The following ULK4 variants were observed in gnomAD, a reference collection of about 807,000 sequenced individuals.
ULK4 encodes unc-51 like kinase 4, also known as inactive serine/threonine-protein kinase ULK4.
ULK4 carries 133 observed loss-of-function variants against 160.6 expected under a neutral mutation model. The ratio of observed to expected loss-of-function variants is 0.83; its 90% CI spans 0.72 to 0.96. The LOEUF is 0.96. Ranked by LOEUF, ULK4 falls within the 40% of genes least tolerant of loss-of-function variation. ULK4 has a pLI of 0.00. For missense variants in ULK4, 1,580 were observed against 1,499.5 expected, an observed-to-expected ratio of 1.05 and a Z score of -0.89; for synonymous variants, 534 against 539.8, an observed-to-expected ratio of 0.99 and a Z score of 0.15.
chr3:41,905,612 C>G (rs768334533), intron 12 of ULK4, among the ~76,000 whole-genome samples: 15 of 151,922 alleles, frequency 9.9e-5, no homozygotes, highest in Non-Finnish European at 2.1e-4. Context: ...GTAAAAAATT[C>G]TTACAACTAA....
chr3:41,588,605 T>A (rs2031010695), intron 31 of ULK4, among the ~76,000 whole-genome samples: 1 of 152,292 alleles, frequency 6.6e-6, no homozygotes, highest in Non-Finnish European at 1.5e-5. Context: ...ATCTACCAAA[T>A]AGCAGGACAA....
intron 21 of ULK4, among the ~76,000 whole-genome samples, chr3:41,770,276 C>G (rs959493846): frequency 1.3e-5 from 2 of 152,120 alleles, no homozygotes; most frequent in African/African-American, 4.8e-5. Flanking sequence ...CAGAGATCTG[C>G]AGCTTCAGGC....
intron 32 of ULK4, among the ~76,000 whole-genome samples, chr3:41,562,966 T>G (rs1189167560): frequency 1.3e-5 from 2 of 152,244 alleles, no homozygotes; most frequent in Non-Finnish European, 2.9e-5. Flanking sequence ...CGATGGTGTT[T>G]GCAATTTGGC....
At chr3:41,518,325 G>C (rs1388232940) in intron 32 of ULK4, among the ~76,000 whole-genome samples, 2 of 152,138 alleles carry the variant, frequency 1.3e-5, no homozygotes, top group Non-Finnish European at 2.9e-5. Context: ...AAATGTTAAT[G>C]CTGGATCACT....
At chr3:41,783,739 G>C (rs1354672748) in intron 21 of ULK4, among the ~76,000 whole-genome samples, 1 of 152,116 alleles carries the variant, frequency 6.6e-6, no homozygotes, top group Non-Finnish European at 1.5e-5. Flanking sequence ...AACAATTAAA[G>C]TAAATTAGCA....
At chr3:41,540,398 T>C (rs997522238) in intron 32 of ULK4, among the ~76,000 whole-genome samples, 3 of 152,224 alleles carry the variant, frequency 2.0e-5, no homozygotes, top group African/African-American at 7.2e-5. Context: ...TAGTATTCTA[T>C]AGTGTATATG....
intron 32 of ULK4, among the ~76,000 whole-genome samples, chr3:41,484,484 G>A (rs570277218): frequency 7.0e-4 from 71 of 100,906 alleles, no homozygotes; most frequent in Non-Finnish European, 1.3e-3. Context: ...ATGGAGTCTC[G>A]CTCTGTCACC....
chr3:41,827,911 G>C (rs2041423608), intron 18 of ULK4, among the ~76,000 whole-genome samples: 1 of 151,980 alleles, frequency 6.6e-6, no homozygotes, highest in African/African-American at 2.4e-5. Context: ...TAAAATACGG[G>C]CAAACCAAAT....
intron 35 of ULK4, among the ~76,000 whole-genome samples, chr3:41,354,287 T>C (rs562911221): frequency 1.3e-5 from 2 of 152,196 alleles, no homozygotes; most frequent in African/African-American, 4.8e-5. Flanking sequence ...GTTGATATCA[T>C]GAACTCATGG....
intron 35 of ULK4, among the ~76,000 whole-genome samples, chr3:41,278,658 G>GTTT (rs2079279663): frequency 6.6e-6 from 1 of 152,138 alleles, no homozygotes; most frequent in African/African-American, 2.4e-5. Flanking sequence ...CAGGCAAAAA[G>GTTT]GGTCTGGAGT....
chr3:41,551,981 T>C (rs1047469252), intron 32 of ULK4, among the ~76,000 whole-genome samples: 5 of 152,032 alleles, frequency 3.3e-5, no homozygotes, highest in African/African-American at 1.2e-4. Flanking sequence ...ATAAATGTGA[T>C]ACATCATCTC....
At chr3:41,396,934 C>G (rs1265365796) in intron 35 of ULK4, among the ~76,000 whole-genome samples, 9 of 152,116 alleles carry the variant, frequency 5.9e-5, no homozygotes, top group Non-Finnish European at 1.2e-4. Context: ...GTTTATCTCC[C>G]TTCTAGTTCT....
intron 1 of ULK4, among the ~76,000 whole-genome samples, chr3:41,960,175 A>T (rs1393544009): frequency 2.0e-5 from 3 of 151,770 alleles, no homozygotes; most frequent in Non-Finnish European, 4.4e-5. Flanking sequence ...TTTGAATTTG[A>T]TTTAGGCCAA....
intron 20 of ULK4, among the ~76,000 whole-genome samples, chr3:41,798,585 T>C (rs189958310): frequency 1.9e-3 from 295 of 152,316 alleles, no homozygotes; most frequent in Non-Finnish European, 2.9e-3. Flanking sequence ...ATGAAAGTTA[T>C]TAGTAACCTA....
chr3:41,402,545 T>C (rs902385343), intron 34 of ULK4, among the ~76,000 whole-genome samples: 1 of 152,188 alleles, frequency 6.6e-6, no homozygotes, highest in African/African-American at 2.4e-5. Context: ...TAATCCTAGT[T>C]TGATAACTTT....
chr3:41,334,159 C>T (rs1002311917), intron 35 of ULK4, among the ~76,000 whole-genome samples: 19 of 152,068 alleles, frequency 1.2e-4, no homozygotes, highest in Non-Finnish European at 5.9e-5. Context: ...GAGATGGTTG[C>T]TGTGGTGATG....
chr3:41,775,872 C>T (rs2039595818), intron 21 of ULK4, among the ~76,000 whole-genome samples: 2 of 150,862 alleles, frequency 1.3e-5, no homozygotes, highest in South Asian at 4.1e-4. Context: ...TTTCTAATTG[C>T]TGTATAATAT....
At chr3:41,785,071 G>C (rs530925358) in intron 21 of ULK4, among the ~76,000 whole-genome samples, 2 of 152,218 alleles carry the variant, frequency 1.3e-5, no homozygotes, top group South Asian at 4.1e-4. Context: ...GCAACATTAA[G>C]GCAGCACCTT....
chr3:41,249,073 G>C lies in ULK4; in HGVS notation c.3764+416C>G, dbSNP rs569174499. ...TTTGCCCCAGCCCTGCCTGGGCCTT[G>C]AGTCCTCCACAAGGTGGTGATGAGG... is the stretch of plus-strand genomic sequence containing the variant. On this transcript the variant is annotated intron_variant, in intron 36 of 36. Coordinates refer to ENST00000301831, the MANE Select transcript of ULK4 (RefSeq NM_017886.4). Among the ~76,000 whole-genome samples, 14 of 152,296 alleles carry C rather than the reference G, an allele frequency of 9.2e-5. No homozygotes were observed. The South Asian group carries it at 2.9e-3, about 32-fold the overall frequency.
Sources: allele counts gnomAD v4.1 joint callset (sites outside exome capture counted in the v4.1 genomes callset), GRCh38; gene constraint gnomAD v4.1.1; transcripts MANE v1.5; gene names NCBI Gene and HGNC (gene_info 2026-07-23, HGNC 2026-07-21).